Variants in DVL1 observed in about 807,000 individuals in gnomAD.
The protein encoded by DVL1 is segment polarity protein dishevelled homolog DVL-1.
In DVL1, 49 loss-of-function variants were observed where a neutral mutation model predicts 65.0. That is an observed-to-expected ratio of 0.75 (90% CI 0.60 to 0.96). The LOEUF (loss-of-function observed/expected upper bound fraction) is 0.96. Ranked by LOEUF, DVL1 falls within the 40% of genes least tolerant of loss-of-function variation. The pLI, the probability that DVL1 is intolerant of heterozygous loss-of-function variation, is 0.00. For missense variants in DVL1, 1,197 were observed against 1,045.4 expected, an observed-to-expected ratio of 1.15 and a Z score of -2.00; for synonymous variants, 608 against 433.9, an observed-to-expected ratio of 1.40 and a Z score of -4.99.
chr1:1,337,827 C>T (rs1209011726), intron 14 of DVL1, 150 bp downstream of exon 14: 2 of 742,184 alleles, frequency 2.7e-6, no homozygotes, highest in South Asian at 1.5e-5. Context: ...TTGGGGTCAG[C>T]AGAGAAGCAG....
chr1:1,338,386 G>T lies in DVL1; in HGVS notation c.1390C>A (p.Arg464=). The T allele has an allele frequency of 6.2e-7, 1 of 1,612,620 alleles. No individual in the cohort carries two copies. Among genetic ancestry groups the T allele is most frequent in the South Asian group, 1.1e-5 (1 of 91,088 alleles). ...LYTHVEGFKE[R]REARKYASSL... ...CTGGCGTACTTCCGGGCCTCCCGCC[G>T]CTCCTTGAAGCCCTCCACGTGTGTG... The change falls in exon 13 of 15, where the codon CGG becomes AGG. Residue 464 remains arginine, a synonymous_variant. Coordinates refer to ENST00000378888, the MANE Select transcript of DVL1 (RefSeq NM_001330311.2).
At chr1:1,338,735 T>C in intron 11 of DVL1, 82 bp from the exon 12 acceptor site, 1 of 1,527,206 alleles carries the variant, frequency 6.5e-7, no homozygotes, top group East Asian at 2.3e-5. Flanking sequence ...GGGGAGCCTC[T>C]GGGCAGAGCC....
chr1:1,339,330 G>T lies in DVL1; in HGVS notation c.1164C>A (p.Arg388=). 6.5e-7 allele frequency: 1 copy of T among 1,548,638 alleles called. No individual in the cohort carries two copies. Among genetic ancestry groups the T allele is most frequent in the African/African-American group, 1.4e-5 (1 of 73,118 alleles). The change falls in exon 11 of 15, where the codon CGC becomes CGA. Residue 388 remains arginine (R), a synonymous_variant. Coordinates refer to ENST00000378888, the MANE Select transcript of DVL1 (RefSeq NM_001330311.2). ...AGCTGGTTAGTGAGGAGGAGCTGGTGCGCGTGACGGCGCTGGAGCAGGGAC... is the reference window on the plus strand; with the variant it reads ...AGCTGGTTAGTGAGGAGGAGCTGGTTCGCGTGACGGCGCTGGAGCAGGGAC... ...GTSPCSSAVT[R]TSSSSLTSSV...
rs1471604031 is a variant in DVL1 at position 1,340,289 on chromosome 1, A to T, written c.727T>A (p.Ser243Thr). Residue 243 changes from serine to threonine, a missense_variant, in exon 7 of 15, where the codon TCC (serine) becomes ACC (threonine). Coordinates refer to ENST00000378888, the MANE Select transcript of DVL1 (RefSeq NM_001330311.2). The part of the protein sequence containing the change: ...RASSFSSITD[S>T]TMSLNIVTVT... ...GTGACGATGTTGAGGGACATGGTGG[A>T]GTCGGTTATGCTGCTGAAGGAGGAG... 19 of 1,613,960 alleles carry T rather than the reference A, an allele frequency of 1.2e-5. No homozygotes were observed. Among genetic ancestry groups the T allele is most frequent in the Non-Finnish European group, 1.6e-5 (19 of 1,180,002 alleles).
intron 5 of DVL1, among the ~76,000 whole-genome samples, chr1:1,341,294 A>G (rs920215542): frequency 6.6e-5 from 10 of 151,322 alleles, no homozygotes; most frequent in African/African-American, 2.4e-4. Flanking sequence ...CGCACCTCAC[A>G]CACACATACA....
intron 5 of DVL1, among the ~76,000 whole-genome samples, chr1:1,341,133 A>C (rs1231487993): frequency 7.0e-6 from 1 of 142,410 alleles, no homozygotes; most frequent in African/African-American, 2.7e-5. Flanking sequence ...GCACATGCAC[A>C]CCTGCACGCA....
In DVL1 at chr1:1,338,003, C is replaced by T. The variant is rs764152783; in HGVS notation, c.1688G>A (p.Gly563Asp). The change falls in exon 14 of 15, where the codon GGC (glycine) becomes GAC (aspartate). Residue 563 changes from glycine (G) to aspartate (D), a missense_variant. Physicochemically the swap from Gly to Asp is moderately conservative, Grantham distance 94 (BLOSUM62 -1). Transcript: ENST00000378888. The stretch of plus-strand genomic sequence containing the variant: ...TTCACTCTGCTGACTCCCGGTGCTG[C>T]CGCTGCCATAGCTAAAGCCCGGGTC... ...YQDPGFSYGS[G>D]STGSQQSEGS... 3 of 1,611,790 alleles carry T rather than the reference C, an allele frequency of 1.9e-6. No individual in the cohort carries two copies. The highest frequency in any genetic ancestry group is 2.2e-5 in the South Asian group (2 of 91,026).
chr1:1,337,698 G>A (rs751006013), intron 14 of DVL1: 6 of 642,638 alleles, frequency 9.3e-6, no homozygotes, highest in Non-Finnish European at 1.4e-5. Flanking sequence ...GGTCCAGGCT[G>A]CCCCTGTGTG....
At chr1:1,337,016 AC>A (rs890295659) in intron 14 of DVL1, 7 of 989,584 alleles carry the variant, frequency 7.1e-6, no homozygotes, top group African/African-American at 1.7e-5. Flanking sequence ...ACCCTGGCTT[AC>A]CGGCCCAAGG....
rs777325356 is a variant in DVL1, at chr1:1,338,565, G to A, written c.1296C>T (p.Arg432=). 1.1e-5 allele frequency: 18 copies of A among 1,612,380 alleles called. No homozygotes were observed. Among genetic ancestry groups the A allele is most frequent in the Non-Finnish European group, 1.2e-5 (14 of 1,179,864 alleles). Residue 432 remains arginine (R), a synonymous_variant, in exon 12 of 15, where the codon CGC becomes CGT. Transcript: ENST00000378888. ...TGGTGATCTTGAGCCACATGCGGTC[G>A]CGGATCTCCAGTCCCGAGTCTGGCA... ...MQLPDSGLEI[R]DRMWLKITIA... is the part of the protein sequence containing the mutation.
chr1:1,341,154 TAC>T (rs1304069260), intron 5 of DVL1, among the ~76,000 whole-genome samples: 4 of 115,548 alleles, frequency 3.5e-5, no homozygotes, highest in African/African-American at 1.4e-4. Flanking sequence ...CACCTTCACA[TAC>T]ACCTGTACAA....
Position 1,340,253 on chromosome 1 carries a change from T to C in DVL1, c.763A>G (p.Asn255Asp). 2 of 1,613,986 alleles carry C rather than the reference T, an allele frequency of 1.2e-6. No homozygotes were observed. Among genetic ancestry groups the C allele is most frequent in the South Asian group, 1.1e-5 (1 of 91,080 alleles). ...MSLNIVTVTLNMERHHFLGIS... is the reference protein window; with the variant it reads ...MSLNIVTVTLDMERHHFLGIS... The stretch of plus-strand genomic sequence containing the variant: ...CCTCGCCCCGAGGCCTCACCCATGT[T>C]GAGCGTGACAGTGACGATGTTGAGG... The change falls in exon 7 of 15, where the codon AAC (asparagine) becomes GAC (aspartate). Residue 255 changes from asparagine to aspartate, a missense_variant. Transcript: ENST00000378888.
rs764513046 is a variant in DVL1, at chr1:1,340,284, G to T, written c.732C>A (p.Thr244=). The T allele has an allele frequency of 7.4e-6, 12 of 1,613,912 alleles. No homozygotes were observed. The highest frequency in any genetic ancestry group is 4.0e-5 in the African/African-American group (3 of 74,932). The stretch of plus-strand genomic sequence containing the variant: ...TGACAGTGACGATGTTGAGGGACAT[G>T]GTGGAGTCGGTTATGCTGCTGAAGG... ...ASSFSSITDS[T]MSLNIVTVTL... Residue 244 remains threonine, a synonymous_variant, in exon 7 of 15, where the codon ACC becomes ACA. Coordinates refer to ENST00000378888, the MANE Select transcript of DVL1 (RefSeq NM_001330311.2).
chr1:1,336,601 G>A (rs1285117292), intron 14 of DVL1, 86 bp from the exon 15 acceptor site: 2 of 1,450,110 alleles, frequency 1.4e-6, no homozygotes, highest in Non-Finnish European at 1.8e-6. Flanking sequence ...AGGTGACCGG[G>A]CAGGAACGGT....
chr1:1,336,146 A>G lies in DVL1; in HGVS notation c.2084T>C (p.Met695Thr), dbSNP rs566523601. ...GNPCEFFVDI[M>T] ...GGCTGGGGCATGCGCCACGAGTCAC[A>G]TGATGTCCACGAAGAACTCGCAGGG... The change falls in exon 15 of 15, where the codon ATG becomes ACG. Residue 695 changes from methionine to threonine, a missense_variant. Transcript: ENST00000378888. 6 of 1,575,780 alleles carry G rather than the reference A, an allele frequency of 3.8e-6. No homozygotes were observed. Among genetic ancestry groups the G allele is most frequent in the South Asian group, 2.3e-5 (2 of 87,694 alleles).
chr1:1,340,600 C>T, intron 5 of DVL1, 97 bp from the exon 6 acceptor site: 1 of 1,351,482 alleles, frequency 7.4e-7, no homozygotes, highest in Non-Finnish European at 1.0e-6. Context: ...GGGGTCTAGG[C>T]CAGGCTTGTT....
At position 1,336,093 on chromosome 1, in the gene DVL1, A is replaced by C. The variant is rs1643560364; in HGVS notation, c.*49T>G. 13 of 1,549,984 alleles carry C rather than the reference A, an allele frequency of 8.4e-6. No individual in the cohort carries two copies. Among genetic ancestry groups the C allele is most frequent in the African/African-American group, 1.4e-5 (1 of 74,058 alleles). ...AGCCCACGCGAGCTCTGCATGCGGC[A>C]GGACCGCCAGCTCCCCACCTCAGGC... On this transcript the variant is annotated 3_prime_UTR_variant, in exon 15 of 15. Transcript: ENST00000378888.
chr1:1,348,541 C>G (rs1643957534), intron 1 of DVL1, among the ~76,000 whole-genome samples: 1 of 152,214 alleles, frequency 6.6e-6, no homozygotes, highest in South Asian at 2.1e-4. Context: ...ACCCTGCTTC[C>G]TTCCCACTGA....
At chr1:1,345,405 C>T (rs1643901179) in intron 1 of DVL1, among the ~76,000 whole-genome samples, 1 of 152,184 alleles carries the variant, frequency 6.6e-6, no homozygotes, top group African/African-American at 2.4e-5. Flanking sequence ...CTACCCAGGT[C>T]CCAGGCAGAG....
Sources: allele counts gnomAD v4.1 joint callset (sites outside exome capture counted in the v4.1 genomes callset), GRCh38; gene constraint gnomAD v4.1.1; transcripts MANE v1.5; gene names NCBI Gene and HGNC (gene_info 2026-07-23, HGNC 2026-07-21).